TENM4: variants seen among roughly 807,000 people sequenced by gnomAD.
The protein encoded by TENM4 is teneurin-4.
In TENM4, 82 loss-of-function variants were observed where a neutral mutation model predicts 243.3. That is an observed-to-expected ratio of 0.34 (90% CI 0.28 to 0.40). The LOEUF (loss-of-function observed/expected upper bound fraction) is 0.40, where lower values mean the gene tolerates loss of function less well. TENM4 is among the 10% of genes least tolerant of loss of function. The probability of loss-of-function intolerance (pLI) is 1.00; values close to 1 mark genes in which losing one functional copy is unlikely to be tolerated. For synonymous variants in TENM4, 1,412 were observed against 1,456.3 expected (o/e 0.97, Z 0.69); for missense variants, 3,138 against 3,673.3 (o/e 0.85, Z 3.77).
At chr11:78,738,912 C>T (rs1377882898) in intron 19 of TENM4, among the ~76,000 whole-genome samples, 1 of 152,016 alleles carries the variant, frequency 6.6e-6, no homozygotes, top group Non-Finnish European at 1.5e-5. Context: ...GTTCAATGAT[C>T]TGGGGTCTAA....
intron 6 of TENM4, among the ~76,000 whole-genome samples, chr11:79,057,597 A>AT (rs1859974581): frequency 6.6e-6 from 1 of 152,024 alleles, no homozygotes; most frequent in South Asian, 2.1e-4. Context: ...TATGTTATTT[A>AT]TTTTTTACCT....
chr11:79,007,295 G>T (rs1197630600), intron 6 of TENM4, among the ~76,000 whole-genome samples: 1 of 152,140 alleles, frequency 6.6e-6, no homozygotes, highest in African/African-American at 2.4e-5. Flanking sequence ...TAGAAAGAGT[G>T]GGGGCTGGAG....
At chr11:79,394,467 A>G (rs1858300332) in intron 1 of TENM4, among the ~76,000 whole-genome samples, 1 of 152,202 alleles carries the variant, frequency 6.6e-6, no homozygotes, top group African/African-American at 2.4e-5. Flanking sequence ...CAGAATATAT[A>G]ATAGGGCTGA....
intron 1 of TENM4, among the ~76,000 whole-genome samples, chr11:79,398,984 G>C (rs1172663844): frequency 6.6e-6 from 1 of 152,070 alleles, no homozygotes; most frequent in Non-Finnish European, 1.5e-5. Context: ...AGGCACAGAG[G>C]CCTGAGCAGG....
chr11:79,348,845 G>T (rs894215628), intron 1 of TENM4, among the ~76,000 whole-genome samples: 4 of 152,212 alleles, frequency 2.6e-5, no homozygotes, highest in Non-Finnish European at 5.9e-5. Context: ...TCCAGAAAAT[G>T]GGGATAATTA....
chr11:79,293,645 G>T (rs1856394313), intron 2 of TENM4, among the ~76,000 whole-genome samples: 1 of 152,134 alleles, frequency 6.6e-6, no homozygotes, highest in Non-Finnish European at 1.5e-5. Context: ...CGACTAAGGG[G>T]TGTTTGGAAA....
At chr11:78,857,626 A>G (rs888086769) in intron 10 of TENM4, among the ~76,000 whole-genome samples, 1 of 152,232 alleles carries the variant, frequency 6.6e-6, no homozygotes, top group Non-Finnish European at 1.5e-5. Context: ...AAAAGTTAAA[A>G]TGTGCACTAT....
intron 2 of TENM4, among the ~76,000 whole-genome samples, chr11:79,276,431 A>G (rs1236431787): frequency 6.6e-6 from 1 of 152,218 alleles, no homozygotes; most frequent in Non-Finnish European, 1.5e-5. Flanking sequence ...AGAGGGGGAC[A>G]CTGGAGCCCC....
chr11:79,001,548 C>T (rs1192921832), intron 6 of TENM4, among the ~76,000 whole-genome samples: 1 of 152,120 alleles, frequency 6.6e-6, no homozygotes, highest in Non-Finnish European at 1.5e-5. Flanking sequence ...GAGCAGGGCT[C>T]CAGCCTGCGC....
At chr11:79,035,293 G>A (rs1859348835) in intron 6 of TENM4, among the ~76,000 whole-genome samples, 1 of 152,138 alleles carries the variant, frequency 6.6e-6, no homozygotes, top group Non-Finnish European at 1.5e-5. Flanking sequence ...AGAGGCTCAA[G>A]AAATAACACC....
At chr11:79,028,499 G>GCTGGC (rs1859142608) in intron 6 of TENM4, among the ~76,000 whole-genome samples, 1 of 152,238 alleles carries the variant, frequency 6.6e-6, no homozygotes, top group South Asian at 2.1e-4. Context: ...CTGGAGCTGG[G>GCTGGC]CTGGCCTTTC....
At position 78,669,202 on chromosome 11, in the gene TENM4, C is replaced by A. The variant is rs954336705; in HGVS notation, c.7143G>T (p.Leu2381=). The A allele has an allele frequency of 6.2e-7, 1 of 1,612,026 alleles. No homozygotes were observed. The highest frequency in any genetic ancestry group is 1.3e-5 in the African/African-American group (1 of 74,210). ...SGTGLMIKQI[L]YTAYGEIYMD... ...TGTAGATCTCCCCATAGGCTGTGTA[C>A]AGGATTTGCTTGATCATCAAACCTG... Residue 2381 remains leucine, a synonymous_variant, in exon 32 of 34, where the codon CTG becomes CTT. Coordinates refer to ENST00000278550, the MANE Select transcript of TENM4 (RefSeq NM_001098816.3). The surrounding 1 kb of genome is among the most constrained non-coding windows in gnomAD (Gnocchi z 6.4).
intron 3 of TENM4, among the ~76,000 whole-genome samples, chr11:79,179,567 CTT>C (rs1447289629): frequency 6.9e-6 from 1 of 145,514 alleles, no homozygotes; most frequent in Non-Finnish European, 1.6e-5. Context: ...ACATCTCTCT[CTT>C]TTTAATTTTA....
intron 26 of TENM4, among the ~76,000 whole-genome samples, chr11:78,712,012 C>T (rs533148533): frequency 9.2e-5 from 14 of 152,308 alleles, no homozygotes; most frequent in African/African-American, 3.4e-4. Context: ...CTACAGTTAA[C>T]CCACCCGATA....
intron 18 of TENM4, among the ~76,000 whole-genome samples, chr11:78,762,682 C>T (rs1199664101): frequency 6.6e-6 from 1 of 152,196 alleles, no homozygotes; most frequent in Non-Finnish European, 1.5e-5. Flanking sequence ...ATGAGACACA[C>T]AAATGAGTAG....
intron 2 of TENM4, among the ~76,000 whole-genome samples, chr11:79,240,912 C>T (rs1305355985): frequency 6.6e-6 from 1 of 152,152 alleles, no homozygotes; most frequent in African/African-American, 2.4e-5. Context: ...ACCACAGCAC[C>T]TTGTATTGGT....
intron 6 of TENM4, among the ~76,000 whole-genome samples, chr11:78,985,656 G>T (rs118056238): frequency 6.6e-6 from 1 of 152,222 alleles, no homozygotes; most frequent in Non-Finnish European, 1.5e-5. Flanking sequence ...CTTTCTGTAC[G>T]TTAAAGAAGT....
intron 3 of TENM4, among the ~76,000 whole-genome samples, chr11:79,188,701 G>T (rs900893478): frequency 6.6e-6 from 1 of 151,714 alleles, no homozygotes; most frequent in Non-Finnish European, 1.5e-5. Context: ...AGAGAGAGGA[G>T]GGAAGGGGGA....
At chr11:79,197,249 G>C (rs1027525035) in intron 3 of TENM4, among the ~76,000 whole-genome samples, 1 of 152,124 alleles carries the variant, frequency 6.6e-6, no homozygotes, top group Non-Finnish European at 1.5e-5. Context: ...TTTGAGCGGG[G>C]AGAAAACTCA....
Sources: gnomAD v4.1 joint callset for allele counts (sites outside exome capture counted in the v4.1 genomes callset) on GRCh38, gnomAD v4.1.1 for gene constraint, Gnocchi (gnomAD v3.1) non-coding constraint, MANE v1.5 for transcripts, NCBI Gene and HGNC (gene_info 2026-07-23, HGNC 2026-07-21) for gene names.